Variants in RALGAPA2 observed in about 807,000 individuals in gnomAD.
The protein encoded by RALGAPA2 is Ral GTPase activating protein catalytic subunit alpha 2, also known as ral GTPase-activating protein subunit alpha-2.
RALGAPA2 carries 139 observed loss-of-function variants against 230.4 expected under a neutral mutation model. The ratio of observed to expected loss-of-function variants is 0.60; its 90% CI spans 0.53 to 0.69. The LOEUF (loss-of-function observed/expected upper bound fraction) is 0.69. RALGAPA2 is among the 30% of genes least tolerant of loss of function. RALGAPA2 has a pLI of 0.00. For missense variants in RALGAPA2, 2,163 were observed against 2,276.0 expected (o/e 0.95, Z 1.01); for synonymous variants, 847 against 837.8 (o/e 1.01, Z -0.19).
chr20:20,559,223 G>C (rs561249028), intron 23 of RALGAPA2, among the ~76,000 whole-genome samples: 24 of 152,244 alleles, frequency 1.6e-4, no homozygotes, highest in African/African-American at 5.8e-4. Flanking sequence ...CAAAAAAACA[G>C]AGGGCAACCC....
At chr20:20,480,202 T>A (rs975608749) in intron 36 of RALGAPA2, among the ~76,000 whole-genome samples, 1 of 152,206 alleles carries the variant, frequency 6.6e-6, no homozygotes. Flanking sequence ...GACTAGCTGA[T>A]TCTAAGACAT....
chr20:20,603,246 A>T (rs892528293), intron 15 of RALGAPA2, among the ~76,000 whole-genome samples: 4 of 152,246 alleles, frequency 2.6e-5, no homozygotes, highest in African/African-American at 9.6e-5. Context: ...ATTGGGATTA[A>T]ACTGTTCCAC....
intron 37 of RALGAPA2, among the ~76,000 whole-genome samples, chr20:20,449,042 A>G (rs1445672892): frequency 6.6e-6 from 1 of 152,212 alleles, no homozygotes; most frequent in Non-Finnish European, 1.5e-5. Flanking sequence ...TCACAGGCAA[A>G]AACACATTAT....
At chr20:20,394,889 C>CAAAAAAAAAAAAAAAAAAAAAAAA (rs10673778) in intron 39 of RALGAPA2, among the ~76,000 whole-genome samples, 1 of 44,648 alleles carries the variant, frequency 2.2e-5, no homozygotes. Context: ...AATAAATAAG[C>CAAAAAAAAAAAAAAAAAAAAAAAA]AAAAAAAAAA....
At chr20:20,699,998 A>T (rs1180142661) in intron 1 of RALGAPA2, among the ~76,000 whole-genome samples, 1 of 152,178 alleles carries the variant, frequency 6.6e-6, no homozygotes, top group African/African-American at 2.4e-5. Context: ...CAAAAAAAAC[A>T]CATGCACTCA....
chr20:20,495,265 A>G lies in RALGAPA2; in HGVS notation c.5219T>C (p.Leu1740Ser). ...GACGATATGGACCTCGTCATTCCCC[A>G]AGTGACGAAGCTGCAACAGCAAATT... is the stretch of plus-strand genomic sequence containing the variant. ...DDSLTKKLRH[L>S]GNDEVHIVWS... The change falls in exon 36 of 40, where the codon TTG becomes TCG. Residue 1740 changes from leucine (L) to serine (S), a missense_variant. Coordinates refer to ENST00000202677, the MANE Select transcript of RALGAPA2 (RefSeq NM_020343.4). The G allele has an allele frequency of 2.0e-6, 3 of 1,522,964 alleles. No homozygotes were observed. The highest frequency in any genetic ancestry group is 2.7e-6 in the Non-Finnish European group (3 of 1,119,090). 94.3% of individuals were successfully genotyped at this position (1,522,964 alleles called of 1,614,324 possible). A position where few individuals can be genotyped will look rare whatever the true frequency, so the allele number is the denominator to read the frequency against.
chr20:20,604,494 T>A (rs1480524226), intron 15 of RALGAPA2, among the ~76,000 whole-genome samples: 2 of 152,194 alleles, frequency 1.3e-5, no homozygotes, highest in Admixed American at 6.5e-5. Context: ...TAGTGTGACA[T>A]CTTGAGTTGT....
intron 3 of RALGAPA2, among the ~76,000 whole-genome samples, chr20:20,671,335 T>C (rs938584334): frequency 6.6e-6 from 1 of 152,242 alleles, no homozygotes; most frequent in Non-Finnish European, 1.5e-5. Flanking sequence ...TTCCAAGCCA[T>C]TTCTTATTTA....
intron 20 of RALGAPA2, 88 bp from the exon 21 acceptor site, chr20:20,573,156 CA>C: frequency 8.4e-7 from 1 of 1,186,464 alleles, no homozygotes; most frequent in Non-Finnish European, 1.1e-6. Flanking sequence ...CTTAGGTATT[CA>C]AAGTAAAATA....
intron 4 of RALGAPA2, among the ~76,000 whole-genome samples, chr20:20,649,377 T>C (rs918669158): frequency 6.6e-6 from 1 of 152,138 alleles, no homozygotes; most frequent in African/African-American, 2.4e-5. Context: ...TATGTTCACA[T>C]CCCAGGCAAT....
At chr20:20,598,931 T>C in intron 16 of RALGAPA2, 1 of 352,786 alleles carries the variant, frequency 2.8e-6, no homozygotes. Context: ...TCATTTAAAC[T>C]TTTAAACTTT....
At chr20:20,701,393 T>C (rs2069355236) in intron 1 of RALGAPA2, among the ~76,000 whole-genome samples, 1 of 152,260 alleles carries the variant, frequency 6.6e-6, no homozygotes. Flanking sequence ...TCAGGTTCTC[T>C]ATGCACTTAT....
chr20:20,579,964 G>A (rs1200577691), intron 20 of RALGAPA2, among the ~76,000 whole-genome samples: 1 of 152,092 alleles, frequency 6.6e-6, no homozygotes, highest in Non-Finnish European at 1.5e-5. Context: ...AAATGTCATA[G>A]AATTTATCAC....
In RALGAPA2 at chr20:20,676,297, T is replaced by C; in HGVS notation, c.218-9A>G. 6.5e-7 allele frequency: 1 copy of C among 1,542,112 alleles called. No homozygotes were observed. The highest frequency in any genetic ancestry group is 8.9e-7 in the Non-Finnish European group (1 of 1,122,284). On this transcript the variant is annotated splice_polypyrimidine_tract_variant and intron_variant, in intron 2 of 39. Coordinates refer to ENST00000202677, the MANE Select transcript of RALGAPA2 (RefSeq NM_020343.4). ...TTGTGACTTATTATTCCCTGGAATATTAAAAAATAATTAGTTATCATGACA... is the reference window on the plus strand; with the variant it reads ...TTGTGACTTATTATTCCCTGGAATACTAAAAAATAATTAGTTATCATGACA...
intron 10 of RALGAPA2, among the ~76,000 whole-genome samples, chr20:20,621,988 G>A (rs981152356): frequency 6.6e-6 from 1 of 152,148 alleles, no homozygotes; most frequent in Non-Finnish European, 1.5e-5. Context: ...GTTACAGGCA[G>A]AACTCACTTT....
chr20:20,616,169 T>C lies in RALGAPA2; in HGVS notation c.1562A>G (p.Asn521Ser), dbSNP rs754017079. The C allele has an allele frequency of 2.0e-6, 3 of 1,529,228 alleles. No homozygotes were observed. Among genetic ancestry groups the C allele is most frequent in the Admixed American group, 4.6e-5 (2 of 43,596 alleles). 94.7% of individuals were successfully genotyped at this position (1,529,228 alleles called of 1,614,324 possible). A position where few individuals can be genotyped will look rare whatever the true frequency, so the allele number is the denominator to read the frequency against. The change falls in exon 13 of 40, where the codon AAC becomes AGC. Residue 521 changes from asparagine to serine, a missense_variant. Physicochemically the swap from Asn to Ser is conservative, Grantham distance 46. Coordinates refer to ENST00000202677, the MANE Select transcript of RALGAPA2 (RefSeq NM_020343.4). ...LLQVFLTNSA[N>S]IFLLEPCAEV... ...AGCACATGGTTCCAACAAAAAGATG[T>C]TTGCAGAGTTCGTCAAAAATACCTT...
chr20:20,696,352 A>G (rs1032962610), intron 1 of RALGAPA2, among the ~76,000 whole-genome samples: 1 of 152,144 alleles, frequency 6.6e-6, no homozygotes, highest in African/African-American at 2.4e-5. Flanking sequence ...GACCTTTTAT[A>G]AAGTAAGCCA....
chr20:20,427,229 A>G (rs367858880), intron 37 of RALGAPA2, among the ~76,000 whole-genome samples: 1 of 152,204 alleles, frequency 6.6e-6, no homozygotes, highest in African/African-American at 2.4e-5. Context: ...GGACTCTATT[A>G]TCCAACAACT....
intron 37 of RALGAPA2, among the ~76,000 whole-genome samples, chr20:20,469,428 A>G (rs2123365163): frequency 6.6e-6 from 1 of 152,310 alleles, no homozygotes; most frequent in Middle Eastern, 3.4e-3. Context: ...ACTATCAAAC[A>G]CATATGTTAA....
Sources: gnomAD v4.1 joint callset for allele counts (sites outside exome capture counted in the v4.1 genomes callset) on GRCh38, gnomAD v4.1.1 for gene constraint, MANE v1.5 for transcripts, NCBI Gene and HGNC (gene_info 2026-07-23, HGNC 2026-07-21) for gene names.